The following SLC25A24 variants were observed in gnomAD, a reference collection of about 807,000 sequenced individuals.
SLC25A24 encodes solute carrier family 25 member 24.
In SLC25A24, 49 loss-of-function variants were observed where a neutral mutation model predicts 60.7. The ratio of observed to expected loss-of-function variants is 0.81; its 90% confidence interval spans 0.64 to 1.02. SLC25A24 has a LOEUF of 1.02. SLC25A24 is among the 50% of genes least tolerant of loss of function. SLC25A24 has a pLI of 0.00. For synonymous variants in SLC25A24, 202 were observed against 200.6 expected (o/e 1.01, Z -0.06); for missense variants, 564 against 586.3 (o/e 0.96, Z 0.39).
chr1:108,151,817 C>A (rs1057064363), intron 6 of SLC25A24, among the ~76,000 whole-genome samples: 9 of 152,180 alleles, frequency 5.9e-5, no homozygotes, highest in Non-Finnish European at 1.2e-4. Context: ...CAAAATGGAA[C>A]CTGATATTGT....
rs553225828 is a variant in SLC25A24 at position 108,135,622 on chromosome 1, C to A, written c.*1031G>T. ...GGGCCTTTCATTTAAATATAGGTAT[C>A]TAATGTATAAGAGTAATACATACTA... is the stretch of plus-strand genomic sequence containing the variant. On this transcript the variant is annotated 3_prime_UTR_variant, in exon 10 of 10. Transcript: ENST00000565488. 4 of 152,368 alleles carry A rather than the reference C, an allele frequency of 2.6e-5. No homozygotes were observed. The highest frequency in any genetic ancestry group is 9.6e-5 in the African/African-American group (4 of 41,556). The allele number at this position is 152,368 out of a possible 1,614,324, so 9.4% of individuals were successfully genotyped here. A position where few individuals can be genotyped will look rare whatever the true frequency, so the allele number is the denominator to read the frequency against.
intron 6 of SLC25A24, among the ~76,000 whole-genome samples, chr1:108,152,559 G>A (rs912447087): frequency 2.0e-5 from 3 of 152,180 alleles, no homozygotes; most frequent in African/African-American, 4.8e-5. Flanking sequence ...GTTTTGCCAC[G>A]TTGCCCAGGC....
At chr1:108,175,034 TG>T (rs1317521526) in intron 3 of SLC25A24, among the ~76,000 whole-genome samples, 1 of 152,192 alleles carries the variant, frequency 6.6e-6, no homozygotes, top group Non-Finnish European at 1.5e-5. Flanking sequence ...AGGTTAACGC[TG>T]GAATGAGTTA....
intron 3 of SLC25A24, among the ~76,000 whole-genome samples, chr1:108,173,800 A>G (rs1158733921): frequency 6.6e-6 from 1 of 152,234 alleles, no homozygotes; most frequent in Non-Finnish European, 1.5e-5. Context: ...AATGAAGTCC[A>G]GGCTGAGATG....
intron 3 of SLC25A24, among the ~76,000 whole-genome samples, 189 bp from the exon 4 acceptor site, chr1:108,161,482 A>G (rs931267469): frequency 3.9e-5 from 6 of 152,226 alleles, no homozygotes; most frequent in Non-Finnish European, 8.8e-5. Context: ...GATAGTTTTA[A>G]TTATCTAGAT....
chr1:108,199,853 C>G, intron 1 of SLC25A24, 103 bp downstream of exon 1: 2 of 892,176 alleles, frequency 2.2e-6, no homozygotes, highest in Non-Finnish European at 3.4e-6. Context: ...TTCCTCCTTC[C>G]TCTCCTGGCA....
At chr1:108,171,708 G>A (rs971829567) in intron 3 of SLC25A24, among the ~76,000 whole-genome samples, 1 of 152,156 alleles carries the variant, frequency 6.6e-6, no homozygotes, top group African/African-American at 2.4e-5. Context: ...AACAGGCATG[G>A]CACTAAACAA....
At chr1:108,182,416 C>T (rs1478672461) in intron 2 of SLC25A24, among the ~76,000 whole-genome samples, 2 of 152,136 alleles carry the variant, frequency 1.3e-5, no homozygotes, top group Non-Finnish European at 2.9e-5. Flanking sequence ...TTTAAAAGTA[C>T]CTATTTCTAC....
In SLC25A24 at chr1:108,200,131, C is replaced by A. The variant is rs1648617915; in HGVS notation, c.8G>T (p.Arg3Leu). 6.4e-7 allele frequency: 1 copy of A among 1,553,438 alleles called. No homozygotes were observed. Among genetic ancestry groups the A allele is most frequent in the African/African-American group, 1.4e-5 (1 of 73,602 alleles). ...GGGCAGCACGAAGTCCCGCAGCCAG[C>A]GCAACATGGTCCCAGAGGCGCAGGC... is the stretch of plus-strand genomic sequence containing the variant. ML[R>L]WLRDFVLPTA... Residue 3 changes from arginine to leucine, a missense_variant, in exon 1 of 10, where the codon CGC becomes CTC. Physicochemically the swap from Arg to Leu is moderately radical, Grantham distance 102. Transcript: ENST00000565488.
intron 3 of SLC25A24, among the ~76,000 whole-genome samples, chr1:108,163,470 T>C (rs896223817): frequency 2.0e-5 from 3 of 150,510 alleles, no homozygotes; most frequent in African/African-American, 7.4e-5. Flanking sequence ...TTTTATTTCA[T>C]TAAGCAGTGG....
chr1:108,184,521 A>G lies in SLC25A24; in HGVS notation c.310+1307T>C, dbSNP rs374916995. ...AGAGTCACAGATGTGAATAATCTTC[A>G]AAATCATCTAGAGTTTAGTTTGTTT... On this transcript the variant is annotated intron_variant, in intron 2 of 9. Coordinates refer to ENST00000565488, the MANE Select transcript of SLC25A24 (RefSeq NM_013386.5). Among the ~76,000 whole-genome samples, 145 of 152,376 alleles carry G rather than the reference A, an allele frequency of 9.5e-4. 1 individual carries two copies. Among genetic ancestry groups the G allele is most frequent in the African/African-American group, 3.4e-3 (141 of 41,598 alleles).
chr1:108,187,551 C>T (rs984188016), intron 1 of SLC25A24, among the ~76,000 whole-genome samples: 6 of 152,006 alleles, frequency 3.9e-5, no homozygotes, highest in East Asian at 1.9e-4. Context: ...AGATAACAAA[C>T]GCCTACAAAA....
Position 108,134,098 on chromosome 1 carries a change from C to G in SLC25A24, c.*2555G>C, listed in dbSNP as rs1278994776. The G allele has an allele frequency of 6.6e-6, 1 of 152,158 alleles. No individual in the cohort carries two copies. The highest frequency in any genetic ancestry group is 2.4e-5 in the African/African-American group (1 of 41,442). The allele number at this position is 152,158 out of a possible 1,614,324, so 9.4% of individuals were successfully genotyped here. On this transcript the variant is annotated 3_prime_UTR_variant, in exon 10 of 10. Coordinates refer to ENST00000565488, the MANE Select transcript of SLC25A24 (RefSeq NM_013386.5). ...GGAGACAAGACTAATAGGTGAGAAA[C>G]AAATATGGCAGCATTTTTCTAACAA...
chr1:108,148,341 CA>C lies in SLC25A24; in HGVS notation c.867del (p.Phe289LeufsTer24). 1 of 1,613,292 alleles carries C rather than the reference CA, an allele frequency of 6.2e-7. No individual in the cohort carries two copies. Among genetic ancestry groups the C allele is most frequent in the Non-Finnish European group, 8.5e-7 (1 of 1,179,312 alleles). Reference sequence around the variant, plus strand: ...GCCATGGAACCAGAAATAAATCTCTCAAATGTTCCTATTTTTTGTCCTTCTT... The same window carrying C: ...GCCATGGAACCAGAAATAAATCTCTCAATGTTCCTATTTTTTGTCCTTCTT... The part of the protein sequence containing the change: ...LTEEGQKIGT[F>X]ERFISGSMAG... On this transcript the variant is annotated frameshift_variant, in exon 7 of 10. Coordinates refer to ENST00000565488, the MANE Select transcript of SLC25A24 (RefSeq NM_013386.5). LOFTEE classifies it high-confidence loss of function.
At position 108,147,447 on chromosome 1, in the gene SLC25A24, C is replaced by T. The variant is rs144145272; in HGVS notation, c.930+832G>A. ...CTGACCTTAGCTACTTCTTGTCTTCCGCTATCTTTTGAATTTGTTTGCTCT... is the reference window on the plus strand; with the variant it reads ...CTGACCTTAGCTACTTCTTGTCTTCTGCTATCTTTTGAATTTGTTTGCTCT... On this transcript the variant is annotated intron_variant, in intron 7 of 9. Transcript: ENST00000565488. 1.0e-3 allele frequency among the ~76,000 whole-genome samples: 158 copies of T among 152,132 alleles called. 2 individuals carry two copies. The highest frequency in any genetic ancestry group is 3.5e-3 in the African/African-American group (147 of 41,516).
At chr1:108,140,561 T>G (rs1679417892) in intron 8 of SLC25A24, among the ~76,000 whole-genome samples, 1 of 151,420 alleles carries the variant, frequency 6.6e-6, no homozygotes, top group Non-Finnish European at 1.5e-5. Flanking sequence ...TAAACAGAAT[T>G]TAAAGAAGAA....
chr1:108,146,289 T>G (rs1679586833), intron 7 of SLC25A24, among the ~76,000 whole-genome samples: 1 of 152,258 alleles, frequency 6.6e-6, no homozygotes, highest in East Asian at 1.9e-4. Context: ...TGCTTTAAGT[T>G]GCTTATCAGC....
intron 3 of SLC25A24, among the ~76,000 whole-genome samples, chr1:108,164,924 G>A (rs374148663): frequency 7.5e-6 from 1 of 133,890 alleles, no homozygotes; most frequent in South Asian, 2.5e-4. Context: ...TCTCTTGTGG[G>A]CATTTAGTGC....
At chr1:108,196,592 T>C (rs828992) in intron 1 of SLC25A24, among the ~76,000 whole-genome samples, 37,047 of 152,094 alleles carry the variant, frequency 0.24, 5,011 homozygotes, top group African/African-American at 0.33. Flanking sequence ...AAAAATACTA[T>C]TGGCTTACTT....
Sources: gnomAD v4.1 joint callset for allele counts (sites outside exome capture counted in the v4.1 genomes callset) on GRCh38, gnomAD v4.1.1 for gene constraint, MANE v1.5 for transcripts, NCBI Gene and HGNC (gene_info 2026-07-23, HGNC 2026-07-21) for gene names.